Variants in CEP250 observed in about 807,000 individuals in gnomAD.
CEP250 encodes centrosome-associated protein CEP250.
Under a neutral mutation model 315.7 loss-of-function variants are expected in CEP250, and 242 were observed. The ratio of observed to expected loss-of-function variants is 0.77; its 90% CI spans 0.69 to 0.85. The LOEUF (loss-of-function observed/expected upper bound fraction) is 0.85, where lower values mean the gene tolerates loss of function less well. Ranked by LOEUF, CEP250 falls within the 40% of genes least tolerant of loss-of-function variation. The pLI, the probability that CEP250 is intolerant of heterozygous loss-of-function variation, is 0.00. For synonymous variants in CEP250, 1,088 were observed against 1,175.0 expected (o/e 0.93, Z 1.51); for missense variants, 2,515 against 2,886.4 (o/e 0.87, Z 2.95).
At chr20:35,473,253 C>A in intron 12 of CEP250, 121 bp from the exon 13 acceptor site, 1 of 766,750 alleles carries the variant, frequency 1.3e-6, no homozygotes, top group South Asian at 2.0e-5. Context: ...TTGCATCTCC[C>A]TTCTCAGCTT....
chr20:35,493,838 G>A (rs1403681223), intron 23 of CEP250, among the ~76,000 whole-genome samples: 11 of 152,020 alleles, frequency 7.2e-5, no homozygotes, highest in Non-Finnish European at 1.5e-4. Context: ...TGTTCTTTCC[G>A]TCCTTGCCAA....
In CEP250 at chr20:35,504,508, A is replaced by G; in HGVS notation, c.6139A>G (p.Arg2047Gly). 6.2e-7 allele frequency: 1 copy of G among 1,613,830 alleles called. No individual in the cohort carries two copies. Among genetic ancestry groups the G allele is most frequent in the Non-Finnish European group, 8.5e-7 (1 of 1,179,852 alleles). The change falls in exon 30 of 35, where the codon AGG (arginine) becomes GGG (glycine). Residue 2047 changes from arginine to glycine, a missense_variant. Arg to Gly is a moderately radical substitution (Grantham distance 125). Transcript: ENST00000397527. The stretch of plus-strand genomic sequence containing the variant: ...GCAGCTGCAGCAGGCACTTGCCCAG[A>G]GGGATGAAGAGCTGAGACATCAGCA... Reference protein sequence around the residue: ...VQQLQQALAQRDEELRHQQER... With the variant: ...VQQLQQALAQGDEELRHQQER...
Position 35,467,293 on chromosome 20 carries a change from C to G in CEP250, c.600-11C>G. On this transcript the variant is annotated splice_polypyrimidine_tract_variant and intron_variant, in intron 8 of 34. Transcript: ENST00000397527. ...CTAGTGGAGTCTGCTGTTTTCCTTG[C>G]TTGTACTCAGAGATCTGATGGAGCT... 2 of 1,609,084 alleles carry G rather than the reference C, an allele frequency of 1.2e-6. No homozygotes were observed. Among genetic ancestry groups the G allele is most frequent in the South Asian group, 2.2e-5 (2 of 90,822 alleles).
chr20:35,501,230 G>A (rs1416282145), intron 28 of CEP250, among the ~76,000 whole-genome samples: 1 of 152,092 alleles, frequency 6.6e-6, no homozygotes, highest in Non-Finnish European at 1.5e-5. Context: ...CCAACTACTC[G>A]GGAGGCTGAG....
At chr20:35,483,993 C>G (rs1285697751) in intron 20 of CEP250, among the ~76,000 whole-genome samples, 1 of 151,454 alleles carries the variant, frequency 6.6e-6, no homozygotes, top group East Asian at 1.9e-4. Context: ...TTTGTATTTT[C>G]AGTCCATTCT....
chr20:35,474,009 C>T lies in CEP250; in HGVS notation c.1528C>T (p.Gln510Ter), dbSNP rs2063100886. ...GDSAQGQKEE[Q>*]QEELHLAVRE... ...CTCTGCCCAGGGCCAGAAGGAGGAA[C>T]AGCAGGAGGAGCTGCACCTGGCTGT... The change falls in exon 14 of 35, where the codon CAG becomes TAG. Residue 510 changes from glutamine to a stop codon, truncating the protein, a stop_gained. Transcript: ENST00000397527. LOFTEE classifies it high-confidence loss of function. 1 of 1,599,648 alleles carries T rather than the reference C, an allele frequency of 6.3e-7. No individual in the cohort carries two copies. The highest frequency in any genetic ancestry group is 8.5e-7 in the Non-Finnish European group (1 of 1,175,106).
chr20:35,502,024 C>T lies in CEP250; in HGVS notation c.4020+58C>T, dbSNP rs868553490. On this transcript the variant is annotated intron_variant, in intron 29 of 34. Transcript: ENST00000397527. ...CCTCAGGAGTAGTCCCTTGGGCCCA[C>T]CTTGGCCTGTGGTCCTGTGTCCCAC... The T allele has an allele frequency of 5.7e-6, 9 of 1,569,108 alleles. No homozygotes were observed. The Admixed American group carries it at 1.6e-4, about 29-fold the overall frequency.
rs1555854184 is a variant in CEP250, at chr20:35,505,187, A to AC, written c.6636+182_6636+183insC. Among the ~76,000 whole-genome samples the AC allele has an allele frequency of 1.1e-4, 17 of 151,992 alleles. No homozygotes were observed. The East Asian group carries it at 2.7e-3, about 24-fold the overall frequency. ...AGTCGGGAGATACAGAGAGGATAAGAACCCCACAGTCCCTGCCCTCACAGA... is the reference window on the plus strand; with the variant it reads ...AGTCGGGAGATACAGAGAGGATAAGACACCCCACAGTCCCTGCCCTCACAGA... On this transcript the variant is annotated intron_variant, in intron 30 of 34. Transcript: ENST00000397527.
At chr20:35,482,762 A>G (rs1040277023) in intron 20 of CEP250, among the ~76,000 whole-genome samples, 9 of 146,274 alleles carry the variant, frequency 6.2e-5, no homozygotes, top group African/African-American at 2.3e-4. Flanking sequence ...GGGTTTCACC[A>G]TGTTGCCCAG....
rs1257385012 is a variant in CEP250 at position 35,512,152 on chromosome 20, C to G, written c.*526C>G. ...AGACAAAGCCCCTGTCCACAGACAGCCTACAGTCCAGTTGATGAGAACAGG... is the reference window on the plus strand; with the variant it reads ...AGACAAAGCCCCTGTCCACAGACAGGCTACAGTCCAGTTGATGAGAACAGG... On this transcript the variant is annotated 3_prime_UTR_variant, in exon 35 of 35. Coordinates refer to ENST00000397527, the MANE Select transcript of CEP250 (RefSeq NM_007186.6). 8 of 522,436 alleles carry G rather than the reference C, an allele frequency of 1.5e-5. No homozygotes were observed. In the Middle Eastern group the frequency reaches 3.8e-3, roughly 248 times the overall value. The allele number at this position is 522,436 out of a possible 1,614,324, so 32.4% of individuals were successfully genotyped here. A position where few individuals can be genotyped will look rare whatever the true frequency, so the allele number is the denominator to read the frequency against.
rs186339616 is a variant in CEP250 at position 35,507,013 on chromosome 20, C to A, written c.6637-725C>A. On this transcript the variant is annotated intron_variant, in intron 30 of 34. Coordinates refer to ENST00000397527, the MANE Select transcript of CEP250 (RefSeq NM_007186.6). ...CACTTCACCCACTGCCACCTCCAAA[C>A]ACACAGGGTGAGACTCTTGTCTCAA... Among the ~76,000 whole-genome samples the A allele has an allele frequency of 1.6e-3, 244 of 152,290 alleles. 1 individual carries two copies. Among genetic ancestry groups the A allele is most frequent in the African/African-American group, 5.5e-3 (229 of 41,568 alleles).
chr20:35,487,714 C>T (rs573116073), intron 20 of CEP250, among the ~76,000 whole-genome samples: 20 of 151,916 alleles, frequency 1.3e-4, no homozygotes, highest in Admixed American at 8.5e-4. Context: ...GCGAAAGGAT[C>T]GCTAGAGGCC....
At chr20:35,488,396 T>C (rs1044236224) in intron 20 of CEP250, among the ~76,000 whole-genome samples, 4 of 152,206 alleles carry the variant, frequency 2.6e-5, no homozygotes, top group African/African-American at 9.7e-5. Flanking sequence ...GTAACTGACA[T>C]TACACATTGC....
Position 35,497,856 on chromosome 20 carries a change from G to A in CEP250, c.3444G>A (p.Lys1148=), listed in dbSNP as rs1467195489. Residue 1148 remains lysine, a synonymous_variant, in exon 26 of 35, where the codon AAG becomes AAA. Transcript: ENST00000397527. ...LRASLWAQEA[K]AAQLQLRLRS... ...CCTCCTTGTGGGCCCAGGAAGCCAA[G>A]GCAGCCCAACTACAGCTGCGACTGC... The A allele has an allele frequency of 2.5e-6, 4 of 1,590,346 alleles. No homozygotes were observed. Among genetic ancestry groups the A allele is most frequent in the Non-Finnish European group, 3.4e-6 (4 of 1,168,448 alleles).
intron 13 of CEP250, 128 bp from the exon 14 acceptor site, chr20:35,473,738 ATGAT>A: frequency 9.6e-7 from 1 of 1,038,008 alleles, no homozygotes. Flanking sequence ...AGTCTTTGTG[ATGAT>A]AAAAAAGTTT....
intron 20 of CEP250, among the ~76,000 whole-genome samples, chr20:35,487,243 G>A (rs144453216): frequency 0.02 from 3,071 of 152,156 alleles, 71 homozygotes; most frequent in South Asian, 0.12. Context: ...CGAGGTGGGC[G>A]GATTGCCCAA....
At position 35,502,796 on chromosome 20, in the gene CEP250, A is replaced by G. The variant is rs1568831765; in HGVS notation, c.4427A>G (p.Gln1476Arg). Residue 1476 changes from glutamine to arginine, a missense_variant, in exon 30 of 35, where the codon CAA becomes CGA. Transcript: ENST00000397527. ...KKRNQEVDLQ[Q>R]EQIQELEKCR... Reference sequence around the variant, plus strand: ...AGGAACCAAGAGGTAGATCTGCAGCAAGAACAGATTCAGGAGCTAGAGAAG... The same window carrying G: ...AGGAACCAAGAGGTAGATCTGCAGCGAGAACAGATTCAGGAGCTAGAGAAG... 1.2e-6 allele frequency: 2 copies of G among 1,614,264 alleles called. No individual in the cohort carries two copies. Among genetic ancestry groups the G allele is most frequent in the Non-Finnish European group, 1.7e-6 (2 of 1,180,048 alleles).
chr20:35,508,233 C>T (rs950506675), intron 32 of CEP250, 43 bp downstream of exon 32: 9 of 1,605,184 alleles, frequency 5.6e-6, no homozygotes, highest in Non-Finnish European at 7.7e-6. Flanking sequence ...CTCCACTTCT[C>T]GTGTGGTCCC....
Position 35,513,031 on chromosome 20 carries a change from T to G in CEP250, c.*1405T>G, listed in dbSNP as rs2064391400. ...CCTCCTAATTTGGGGCTCAGCCCCA[T>G]TATGTCTCATTGCACCACACAGAGT... On this transcript the variant is annotated 3_prime_UTR_variant, in exon 35 of 35. Coordinates refer to ENST00000397527, the MANE Select transcript of CEP250 (RefSeq NM_007186.6). 2 of 152,252 alleles carry G rather than the reference T, an allele frequency of 1.3e-5. No homozygotes were observed. Among genetic ancestry groups the G allele is most frequent in the Non-Finnish European group, 2.9e-5 (2 of 68,072 alleles). The allele number at this position is 152,252 out of a possible 1,614,324, so 9.4% of individuals were successfully genotyped here. A position where few individuals can be genotyped will look rare whatever the true frequency, so the allele number is the denominator to read the frequency against.
Sources: gnomAD v4.1 joint callset for allele counts (sites outside exome capture counted in the v4.1 genomes callset) on GRCh38, gnomAD v4.1.1 for gene constraint, MANE v1.5 for transcripts, NCBI Gene and HGNC (gene_info 2026-07-23, HGNC 2026-07-21) for gene names.